GUCY1B1: variants seen among roughly 807,000 people sequenced by gnomAD.
GUCY1B1 encodes the protein guanylate cyclase soluble subunit beta-1.
A neutral mutation model predicts 71.0 loss-of-function variants in GUCY1B1; 43 were observed. The ratio of observed to expected loss-of-function variants is 0.61; its 90% CI spans 0.47 to 0.78. The LOEUF is 0.78. Ranked by LOEUF, GUCY1B1 falls within the 30% of genes least tolerant of loss-of-function variation. The pLI, the probability that GUCY1B1 is intolerant of heterozygous loss-of-function variation, is 0.00. For missense variants in GUCY1B1, 535 were observed against 754.1 expected (o/e 0.71, Z 3.40); for synonymous variants, 266 against 259.7 (o/e 1.02, Z -0.23).
intron 2 of GUCY1B1, among the ~76,000 whole-genome samples, chr4:155,773,830 G>A (rs954391099): frequency 1.3e-5 from 2 of 152,152 alleles, no homozygotes; most frequent in African/African-American, 2.4e-5. Context: ...TGGGACTACA[G>A]GCACCCGCCA....
At chr4:155,799,285 G>A (rs1739780046) in intron 8 of GUCY1B1, among the ~76,000 whole-genome samples, 1 of 152,092 alleles carries the variant, frequency 6.6e-6, no homozygotes. Flanking sequence ...TCAAATAAAT[G>A]AGAAAAATTT....
chr4:155,772,966 TAC>T (rs1737794739), intron 2 of GUCY1B1, among the ~76,000 whole-genome samples: 1 of 152,228 alleles, frequency 6.6e-6, no homozygotes. Flanking sequence ...CCCTTGAGCA[TAC>T]ACAGATATAG....
intron 8 of GUCY1B1, 128 bp downstream of exon 8, chr4:155,796,638 T>C: frequency 1.6e-6 from 1 of 629,636 alleles, no homozygotes; most frequent in Non-Finnish European, 2.7e-6. Flanking sequence ...ACAGCCCTTG[T>C]TGTGTATTAC....
At chr4:155,791,559 T>C (rs1157183540) in intron 5 of GUCY1B1, among the ~76,000 whole-genome samples, 2 of 149,380 alleles carry the variant, frequency 1.3e-5, no homozygotes, top group Non-Finnish European at 3.0e-5. Context: ...TGAAACCCCG[T>C]CTCTACTAAA....
At chr4:155,777,186 TGTA>T (rs1203825972) in intron 3 of GUCY1B1, among the ~76,000 whole-genome samples, 1 of 152,242 alleles carries the variant, frequency 6.6e-6, no homozygotes, top group African/African-American at 2.4e-5. Context: ...ATTTTCCACT[TGTA>T]GTGTCACGTT....
At chr4:155,787,048 T>C (rs199740198) in intron 4 of GUCY1B1, among the ~76,000 whole-genome samples, 1 of 152,192 alleles carries the variant, frequency 6.6e-6, no homozygotes, top group Non-Finnish European at 1.5e-5. Flanking sequence ...GATTTTTTTT[T>C]TCTCACCCGA....
At chr4:155,796,305 G>C (rs1158752965) in intron 7 of GUCY1B1, 72 bp from the exon 8 acceptor site, 2 of 1,348,584 alleles carry the variant, frequency 1.5e-6, no homozygotes, top group African/African-American at 2.9e-5. Flanking sequence ...AATGAGATAT[G>C]CGTGTCCTTG....
At chr4:155,782,796 G>A (rs1459931355) in intron 4 of GUCY1B1, among the ~76,000 whole-genome samples, 4 of 152,154 alleles carry the variant, frequency 2.6e-5, no homozygotes, top group African/African-American at 7.2e-5. Context: ...TTGCTGTTGC[G>A]ATGGTACCTC....
intron 4 of GUCY1B1, among the ~76,000 whole-genome samples, chr4:155,788,272 C>A (rs910627723): frequency 2.0e-5 from 3 of 152,188 alleles, no homozygotes; most frequent in Admixed American, 6.5e-5. Context: ...AGTTATAGGG[C>A]TGAGGACCCA....
rs372773863 is a variant in GUCY1B1 at position 155,802,125 on chromosome 4, T to C, written c.1176-217T>C. 463 of 1,068,642 alleles carry C rather than the reference T, an allele frequency of 4.3e-4. 1 individual carries two copies. The African/African-American group carries it at 6.7e-3, about 15-fold the overall frequency. 66.2% of individuals were successfully genotyped at this position (1,068,642 alleles called of 1,614,324 possible). A position where few individuals can be genotyped will look rare whatever the true frequency, so the allele number is the denominator to read the frequency against. On this transcript the variant is annotated intron_variant, in intron 9 of 13. Coordinates refer to ENST00000264424, the MANE Select transcript of GUCY1B1 (RefSeq NM_000857.5). This position sits in a 1 kb window ranked among gnomAD's most constrained non-coding sequence, Gnocchi z 4.3. ...GTTTGAACTAGTTTGGGCTTGCGGA[T>C]GTCTTATGTGATTAGGATGAACAAA...
intron 4 of GUCY1B1, among the ~76,000 whole-genome samples, chr4:155,778,434 T>A (rs1382584969): frequency 2.0e-5 from 3 of 152,246 alleles, no homozygotes; most frequent in South Asian, 2.1e-4. Context: ...CTGGCTGCTT[T>A]CAGCAGCCAG....
At chr4:155,794,177 G>T in intron 6 of GUCY1B1, 91 bp downstream of exon 6, 2 of 693,238 alleles carry the variant, frequency 2.9e-6, no homozygotes, top group South Asian at 1.8e-5. Flanking sequence ...TTAACCCTCT[G>T]ACTATGTATT....
intron 4 of GUCY1B1, among the ~76,000 whole-genome samples, chr4:155,780,008 C>T (rs1025336648): frequency 5.9e-5 from 9 of 152,142 alleles, no homozygotes; most frequent in African/African-American, 2.2e-4. Flanking sequence ...CTACCATTAT[C>T]TAGAGGTTGA....
intron 2 of GUCY1B1, among the ~76,000 whole-genome samples, chr4:155,766,857 C>A (rs1309596964): frequency 6.6e-6 from 1 of 152,154 alleles, no homozygotes; most frequent in South Asian, 2.1e-4. Flanking sequence ...TGAAATCCAG[C>A]TGAGCTCTCA....
chr4:155,789,423 G>GT (rs576312717), intron 4 of GUCY1B1, among the ~76,000 whole-genome samples: 96 of 152,102 alleles, frequency 6.3e-4, no homozygotes, highest in Non-Finnish European at 1.2e-3. Context: ...CCTTAACTAT[G>GT]TTTTTTTCTG....
Position 155,798,876 on chromosome 4 carries a change from C to T in GUCY1B1, c.978-1001C>T, listed in dbSNP as rs187666696. ...TGTTTGAGATGGAGTCTCGCTCTGTCACCCAGACTGGAATGCAGTGGCATG... is the reference window on the plus strand; with the variant it reads ...TGTTTGAGATGGAGTCTCGCTCTGTTACCCAGACTGGAATGCAGTGGCATG... On this transcript the variant is annotated intron_variant, in intron 8 of 13. Transcript: ENST00000264424. 7.0e-3 allele frequency among the ~76,000 whole-genome samples: 1,066 copies of T among 152,238 alleles called. 7 individuals carry two copies. Among genetic ancestry groups the T allele is most frequent in the Non-Finnish European group, 0.012 (795 of 68,032 alleles).
intron 2 of GUCY1B1, among the ~76,000 whole-genome samples, chr4:155,762,349 G>A (rs2110960704): frequency 6.6e-6 from 1 of 152,100 alleles, no homozygotes; most frequent in East Asian, 1.9e-4. Flanking sequence ...TTTTGTCTCA[G>A]TAAGTACCAA....
chr4:155,778,191 G>C (rs1033897625), intron 4 of GUCY1B1, among the ~76,000 whole-genome samples: 6 of 152,104 alleles, frequency 3.9e-5, no homozygotes, highest in African/African-American at 1.4e-4. Flanking sequence ...GGGAAAATAG[G>C]AAACAGTCCA....
intron 11 of GUCY1B1, 44 bp from the exon 12 acceptor site, chr4:155,804,549 T>G (rs772367296): frequency 6.6e-7 from 1 of 1,504,626 alleles, no homozygotes; most frequent in Non-Finnish European, 9.1e-7. Flanking sequence ...AAAATTCATG[T>G]GTTAGTGATC....
Sources: gnomAD v4.1 joint callset for allele counts (sites outside exome capture counted in the v4.1 genomes callset) on GRCh38, gnomAD v4.1.1 for gene constraint, Gnocchi (gnomAD v3.1) non-coding constraint, MANE v1.5 for transcripts, NCBI Gene and HGNC (gene_info 2026-07-23, HGNC 2026-07-21) for gene names.